The following ACVR2A variants were observed in gnomAD, a reference collection of about 807,000 sequenced individuals.
The protein encoded by ACVR2A is activin receptor type-2A.
A neutral mutation model predicts 61.4 loss-of-function variants in ACVR2A; 7 were observed. The ratio of observed to expected loss-of-function variants is 0.11; its 90% CI spans 0.06 to 0.21. ACVR2A has a LOEUF of 0.21. ACVR2A is among the 10% of genes least tolerant of loss of function. The probability of loss-of-function intolerance (pLI) is 1.00; values close to 1 mark genes in which losing one functional copy is unlikely to be tolerated. For synonymous variants in ACVR2A, 193 were observed against 208.3 expected (o/e 0.93, Z 0.63); for missense variants, 322 against 621.7 (o/e 0.52, Z 5.13).
intron 1 of ACVR2A, among the ~76,000 whole-genome samples, chr2:147,863,127 G>A (rs1243051009): frequency 6.6e-6 from 1 of 152,062 alleles, no homozygotes; most frequent in Non-Finnish European, 1.5e-5. Flanking sequence ...TCTATTCTTT[G>A]GTATCTACTA....
chr2:147,920,369 A>C, intron 8 of ACVR2A, 25 bp downstream of exon 8: 5 of 1,530,194 alleles, frequency 3.3e-6, no homozygotes, highest in Non-Finnish European at 3.6e-6. Context: ...TATAAAATGT[A>C]AGAAAAAATA....
rs1384949661 is a variant in ACVR2A at position 147,896,176 on chromosome 2, A to C, written c.56-125A>C. ...GGGATTAACCTGGAAACCTAAACCC[A>C]AAGTTATAAGTGGGAAGACGGTGAA... is the stretch of plus-strand genomic sequence containing the variant. On this transcript the variant is annotated intron_variant, in intron 1 of 10. Coordinates refer to ENST00000241416, the MANE Select transcript of ACVR2A (RefSeq NM_001616.5). 3 of 818,574 alleles carry C rather than the reference A, an allele frequency of 3.7e-6. No homozygotes were observed. In the East Asian group the frequency reaches 8.0e-5, roughly 22 times the overall value. 50.7% of individuals were successfully genotyped at this position (818,574 alleles called of 1,614,324 possible).
At chr2:147,845,629 T>C (rs1259720796) in intron 1 of ACVR2A, among the ~76,000 whole-genome samples, 1 of 152,210 alleles carries the variant, frequency 6.6e-6, no homozygotes, top group Non-Finnish European at 1.5e-5. Context: ...GTTTAATTAG[T>C]GCTTCACCGG....
At chr2:147,891,268 T>C (rs1384849226) in intron 1 of ACVR2A, among the ~76,000 whole-genome samples, 1 of 152,238 alleles carries the variant, frequency 6.6e-6, no homozygotes, top group Non-Finnish European at 1.5e-5. Flanking sequence ...GTTTAGTTTT[T>C]GGGGTGTTCC....
chr2:147,889,482 C>G (rs1686525832), intron 1 of ACVR2A, among the ~76,000 whole-genome samples: 1 of 152,106 alleles, frequency 6.6e-6, no homozygotes, highest in African/African-American at 2.4e-5. Context: ...CAGTGGCTCA[C>G]GCCTGTAATC....
At chr2:147,862,400 C>A (rs1685747138) in intron 1 of ACVR2A, among the ~76,000 whole-genome samples, 1 of 152,016 alleles carries the variant, frequency 6.6e-6, no homozygotes, top group African/African-American at 2.4e-5. Context: ...TTGATTGCTG[C>A]AGATGTGCTT....
At chr2:147,880,678 C>T (rs1186096050) in intron 1 of ACVR2A, among the ~76,000 whole-genome samples, 1 of 152,122 alleles carries the variant, frequency 6.6e-6, no homozygotes, top group Admixed American at 6.5e-5. Flanking sequence ...TCTCATTTTT[C>T]TCTTCCTTTC....
chr2:147,891,107 T>G (rs1686571735), intron 1 of ACVR2A, among the ~76,000 whole-genome samples: 1 of 152,176 alleles, frequency 6.6e-6, no homozygotes, highest in South Asian at 2.1e-4. Flanking sequence ...TCCCTTCCAA[T>G]ACTATGAAAT....
intron 1 of ACVR2A, among the ~76,000 whole-genome samples, chr2:147,879,424 C>T (rs1895693): frequency 0.33 from 50,128 of 152,106 alleles, 8,529 homozygotes; most frequent in East Asian, 0.52. Flanking sequence ...TCTCAATACA[C>T]TGGCAATTAA....
At chr2:147,874,255 G>T (rs920586168) in intron 1 of ACVR2A, among the ~76,000 whole-genome samples, 6 of 151,768 alleles carry the variant, frequency 4.0e-5, no homozygotes, top group Non-Finnish European at 7.4e-5. Context: ...AATTATCCAG[G>T]TCTCAGTTTT....
chr2:147,855,386 CAG>C (rs1353664436), intron 1 of ACVR2A, among the ~76,000 whole-genome samples: 2 of 152,108 alleles, frequency 1.3e-5, no homozygotes, highest in Non-Finnish European at 2.9e-5. Flanking sequence ...TTTGATGTAA[CAG>C]GGGAAGGAGT....
At chr2:147,878,908 T>TA (rs11284106) in intron 1 of ACVR2A, among the ~76,000 whole-genome samples, 45 of 149,600 alleles carry the variant, frequency 3.0e-4, no homozygotes, top group African/African-American at 6.6e-4. Context: ...GACCTGTCTT[T>TA]AAAAAAAAAA....
At chr2:147,863,828 A>T (rs1685787453) in intron 1 of ACVR2A, among the ~76,000 whole-genome samples, 1 of 152,194 alleles carries the variant, frequency 6.6e-6, no homozygotes, top group African/African-American at 2.4e-5. Context: ...CCTTTTGGTT[A>T]TATAGTGAGC....
chr2:147,899,587 A>AT lies in ACVR2A; in HGVS notation c.373+20_373+21insT. On this transcript the variant is annotated intron_variant, in intron 3 of 10. Coordinates refer to ENST00000241416, the MANE Select transcript of ACVR2A (RefSeq NM_001616.5). ...CACAGCGTAAGTTCACAGGGAAAAT[A>AT]CGTAGGTTTGCTCAACTGTAGATTG... 2 of 1,606,040 alleles carry AT rather than the reference A, an allele frequency of 1.2e-6. No individual in the cohort carries two copies. Among genetic ancestry groups the AT allele is most frequent in the Non-Finnish European group, 1.7e-6 (2 of 1,173,988 alleles).
intron 4 of ACVR2A, among the ~76,000 whole-genome samples, chr2:147,903,847 T>A (rs1320086857): frequency 1.3e-5 from 2 of 152,010 alleles, no homozygotes; most frequent in Non-Finnish European, 2.9e-5. Context: ...TGTATTGTAA[T>A]TACTGCTGTG....
intron 1 of ACVR2A, among the ~76,000 whole-genome samples, chr2:147,879,337 A>G (rs1406181387): frequency 6.6e-6 from 1 of 152,180 alleles, no homozygotes; most frequent in African/African-American, 2.4e-5. Flanking sequence ...GCAGAAGGAC[A>G]AGAGACAGCC....
At chr2:147,854,886 T>C (rs1019628582) in intron 1 of ACVR2A, among the ~76,000 whole-genome samples, 4 of 152,130 alleles carry the variant, frequency 2.6e-5, no homozygotes, top group African/African-American at 9.7e-5. Flanking sequence ...TATCTGCCTA[T>C]TTCTTTTTTT....
intron 4 of ACVR2A, among the ~76,000 whole-genome samples, chr2:147,913,825 A>C (rs1477405219): frequency 2.5e-3 from 61 of 24,106 alleles, no homozygotes; most frequent in Admixed American, 0.011. Context: ...TTGTAGACAA[A>C]AAAAAAAAAA....
At chr2:147,893,240 A>G (rs1558805493) in intron 1 of ACVR2A, among the ~76,000 whole-genome samples, 2 of 152,112 alleles carry the variant, frequency 1.3e-5, no homozygotes, top group South Asian at 2.1e-4. Context: ...TCACTAGTTC[A>G]TTCCTTTTTT....
Sources: gnomAD v4.1 joint callset for allele counts (sites outside exome capture counted in the v4.1 genomes callset) on GRCh38, gnomAD v4.1.1 for gene constraint, MANE v1.5 for transcripts, NCBI Gene and HGNC (gene_info 2026-07-23, HGNC 2026-07-21) for gene names.